The following IL18R1 variants were observed in gnomAD, a reference collection of about 807,000 sequenced individuals.
IL18R1 encodes the protein interleukin-18 receptor 1.
In IL18R1, 40 loss-of-function variants were observed where a neutral mutation model predicts 48.5. The observed-to-expected ratio is 0.82, with a 90% CI of 0.64 to 1.07. IL18R1 has a LOEUF of 1.07. Among genes scored for constraint, IL18R1 ranks in the 50% least tolerant of loss-of-function variants. IL18R1 has a pLI of 0.00. For missense variants in IL18R1, 596 were observed against 633.7 expected, an observed-to-expected ratio of 0.94 and a Z score of 0.64; for synonymous variants, 232 against 225.9, an observed-to-expected ratio of 1.03 and a Z score of -0.24.
intron 9 of IL18R1, among the ~76,000 whole-genome samples, chr2:102,391,144 T>C (rs1334898428): frequency 2.0e-5 from 3 of 152,094 alleles, no homozygotes; most frequent in African/African-American, 7.2e-5. Context: ...TTCATTGCAC[T>C]TGATTTTGTT....
chr2:102,375,372 G>A (rs1417926902), intron 4 of IL18R1, among the ~76,000 whole-genome samples: 1 of 152,158 alleles, frequency 6.6e-6, no homozygotes. Context: ...GAATATTGCT[G>A]ATGCATTTCT....
At chr2:102,372,856 C>G (rs1339018323) in intron 4 of IL18R1, among the ~76,000 whole-genome samples, 1 of 152,176 alleles carries the variant, frequency 6.6e-6, no homozygotes, top group Admixed American at 6.6e-5. Context: ...ACCATTTCCA[C>G]AAATCCTTGG....
intron 6 of IL18R1, among the ~76,000 whole-genome samples, chr2:102,382,332 G>T (rs753922485): frequency 1.2e-4 from 19 of 152,142 alleles, no homozygotes; most frequent in Non-Finnish European, 2.6e-4. Flanking sequence ...ACTCTGGAGA[G>T]ATGAGTCAAA....
At chr2:102,387,480 T>C (rs1680306508) in intron 8 of IL18R1, among the ~76,000 whole-genome samples, 1 of 152,190 alleles carries the variant, frequency 6.6e-6, no homozygotes. Context: ...AAGCAGGCCA[T>C]TGATAGCCCT....
At chr2:102,376,267 A>G (rs1209538872) in intron 5 of IL18R1, among the ~76,000 whole-genome samples, 1 of 152,170 alleles carries the variant, frequency 6.6e-6, no homozygotes, top group Non-Finnish European at 1.5e-5. Context: ...GGAAATGAAA[A>G]TCTGTATGAA....
intron 2 of IL18R1, among the ~76,000 whole-genome samples, chr2:102,367,185 A>G (rs1179359420): frequency 6.6e-6 from 1 of 152,208 alleles, no homozygotes; most frequent in Admixed American, 6.5e-5. Flanking sequence ...CAATTGAGAA[A>G]GAGGGAAAGT....
chr2:102,386,563 A>G (rs1680239557), intron 7 of IL18R1, among the ~76,000 whole-genome samples: 2 of 152,260 alleles, frequency 1.3e-5, no homozygotes, highest in Admixed American at 1.3e-4. Flanking sequence ...GAGAAAAATA[A>G]TTGAGAGAGA....
chr2:102,381,129 G>C (rs561574854), intron 5 of IL18R1, among the ~76,000 whole-genome samples: 9 of 152,186 alleles, frequency 5.9e-5, no homozygotes, highest in Non-Finnish European at 1.3e-4. Context: ...CAGGGCCAAG[G>C]TGAGGTTCCT....
At chr2:102,377,596 A>C (rs10190555) in intron 5 of IL18R1, among the ~76,000 whole-genome samples, 1 of 152,208 alleles carries the variant, frequency 6.6e-6, no homozygotes, top group Non-Finnish European at 1.5e-5. Flanking sequence ...GATTACAGGC[A>C]TAAGCCACTG....
intron 7 of IL18R1, 54 bp from the exon 8 acceptor site, chr2:102,386,807 C>T: frequency 3.8e-6 from 6 of 1,579,576 alleles, no homozygotes; most frequent in South Asian, 3.4e-5. Flanking sequence ...TGTGAATTCC[C>T]CTCTCAAGGG....
rs1363624518 is a variant in IL18R1 at position 102,370,144 on chromosome 2, C to T, written c.303-1809C>T. 3.3e-5 allele frequency among the ~76,000 whole-genome samples: 5 copies of T among 152,218 alleles called. No individual in the cohort carries two copies. The East Asian group carries it at 9.7e-4, about 29-fold the overall frequency. ...TGGTCACAGCTTTGGGTCAGTTGGCCTCAGTGTTAACCCTAGCCTTGGAGC... is the reference window on the plus strand; with the variant it reads ...TGGTCACAGCTTTGGGTCAGTTGGCTTCAGTGTTAACCCTAGCCTTGGAGC... On this transcript the variant is annotated intron_variant, in intron 3 of 10. Transcript: ENST00000233957.
At chr2:102,367,480 T>C (rs1482902378) in intron 2 of IL18R1, among the ~76,000 whole-genome samples, 4 of 152,212 alleles carry the variant, frequency 2.6e-5, no homozygotes, top group African/African-American at 9.7e-5. Flanking sequence ...GCACCGTGAC[T>C]TCTGTGGCTT....
chr2:102,393,691 T>C (rs955680003), intron 9 of IL18R1, among the ~76,000 whole-genome samples: 5 of 152,208 alleles, frequency 3.3e-5, no homozygotes, highest in Non-Finnish European at 7.4e-5. Context: ...TCTGCCATCA[T>C]CTGCCATCAA....
At chr2:102,387,433 G>A (rs1680301691) in intron 8 of IL18R1, among the ~76,000 whole-genome samples, 1 of 152,220 alleles carries the variant, frequency 6.6e-6, no homozygotes. Context: ...CAGGGTCCTT[G>A]TGTGTGCTCA....
chr2:102,356,748 A>G lies in IL18R1; in HGVS notation c.-29+348A>G, dbSNP rs572658483. On this transcript the variant is annotated intron_variant, in intron 1 of 10. Coordinates refer to ENST00000233957, the MANE Select transcript of IL18R1 (RefSeq NM_003855.5). ...CCTCCTAAGGGCCACATGAAATAGG[A>G]ACTATTATTATGCTTTAATAAAAGG... is the stretch of plus-strand genomic sequence containing the variant. Among the ~76,000 whole-genome samples, 8 of 152,316 alleles carry G rather than the reference A, an allele frequency of 5.3e-5. No individual in the cohort carries two copies. The South Asian group carries it at 1.7e-3, about 32-fold the overall frequency.
chr2:102,365,652 C>T (rs1247518383), intron 2 of IL18R1, among the ~76,000 whole-genome samples: 1 of 152,220 alleles, frequency 6.6e-6, no homozygotes, highest in Non-Finnish European at 1.5e-5. Flanking sequence ...CCACATTTCC[C>T]TTCCACACTA....
At chr2:102,364,072 G>C (rs530436715) in intron 2 of IL18R1, among the ~76,000 whole-genome samples, 2 of 152,248 alleles carry the variant, frequency 1.3e-5, no homozygotes, top group South Asian at 4.1e-4. Flanking sequence ...TGAGGAGGGG[G>C]GTGGTGTGGA....
chr2:102,389,003 T>C (rs563233053), intron 8 of IL18R1, among the ~76,000 whole-genome samples: 1 of 152,302 alleles, frequency 6.6e-6, no homozygotes, highest in African/African-American at 2.4e-5. Context: ...TGTATATGTA[T>C]ATACATATAT....
intron 1 of IL18R1, among the ~76,000 whole-genome samples, chr2:102,358,875 A>G (rs932999486): frequency 2.6e-5 from 4 of 152,230 alleles, no homozygotes; most frequent in Admixed American, 6.5e-5. Flanking sequence ...AAAATTATGT[A>G]TATTTTATGG....
Sources: gnomAD v4.1 joint callset for allele counts (sites outside exome capture counted in the v4.1 genomes callset) on GRCh38, gnomAD v4.1.1 for gene constraint, MANE v1.5 for transcripts, NCBI Gene and HGNC (gene_info 2026-07-23, HGNC 2026-07-21) for gene names.